The following NCS1 variants were observed in gnomAD, a reference collection of about 807,000 sequenced individuals.
The protein encoded by NCS1 is neuronal calcium sensor 1.
Under a neutral mutation model 28.4 loss-of-function variants are expected in NCS1, and 6 were observed. The observed-to-expected ratio is 0.21, with a 90% CI of 0.12 to 0.42. The LOEUF is 0.42. Ranked by LOEUF, NCS1 falls within the 10% of genes least tolerant of loss-of-function variation. The probability of loss-of-function intolerance (pLI) is 1.00; values close to 1 mark genes in which losing one functional copy is unlikely to be tolerated. For synonymous variants in NCS1, 86 were observed against 99.3 expected, an observed-to-expected ratio of 0.87 and a Z score of 0.79; for missense variants, 131 against 241.4, an observed-to-expected ratio of 0.54 and a Z score of 3.03.
At chr9:130,212,532 C>A (rs73545575) in intron 2 of NCS1, among the ~76,000 whole-genome samples, 14 of 149,680 alleles carry the variant, frequency 9.4e-5, no homozygotes, top group African/African-American at 3.5e-4. Context: ...ACAGGGAAAC[C>A]GAGGGGCGTT....
At position 130,219,872 on chromosome 9, in the gene NCS1, G is replaced by T. The variant is rs114558148; in HGVS notation, c.307+69G>T. ...CCCAGGTCAGAGGGAGGCAGCCCTC[G>T]GCCCTCACCAGGCAGGGGTGCCAGA... On this transcript the variant is annotated intron_variant, in intron 4 of 7. Transcript: ENST00000372398. This position sits in a 1 kb window ranked among gnomAD's most constrained non-coding sequence, Gnocchi z 5.7. The T allele has an allele frequency of 2.0e-6, 3 of 1,510,378 alleles. No individual in the cohort carries two copies. Among genetic ancestry groups the T allele is most frequent in the South Asian group, 1.1e-5 (1 of 88,508 alleles). The allele number at this position is 1,510,378 out of a possible 1,614,324, so 93.6% of individuals were successfully genotyped here.
rs1833411903 is a variant in NCS1, at chr9:130,226,191, G to C, written c.475-198G>C. 6.6e-6 allele frequency among the ~76,000 whole-genome samples: 1 copy of C among 152,240 alleles called. No individual in the cohort carries two copies. Among genetic ancestry groups the C allele is most frequent in the Non-Finnish European group, 1.5e-5 (1 of 68,046 alleles). On this transcript the variant is annotated intron_variant, in intron 6 of 7. Coordinates refer to ENST00000372398, the MANE Select transcript of NCS1 (RefSeq NM_014286.4). The surrounding 1 kb of genome is among the most constrained non-coding windows in gnomAD (Gnocchi z 4.8). ...CCCCAGGTGAAGAAACATGCCCAGA[G>C]AGGTGGGCCACGGCCCAAGGCCACC...
Position 130,180,896 on chromosome 9 carries a change from G to A in NCS1, c.64+8169G>A, listed in dbSNP as rs188820451. On this transcript the variant is annotated intron_variant, in intron 1 of 7. Coordinates refer to ENST00000372398, the MANE Select transcript of NCS1 (RefSeq NM_014286.4). This position sits in a 1 kb window ranked among gnomAD's most constrained non-coding sequence, Gnocchi z 4.5. ...TGGTGGCCCGGCTGGGTTGGTGGCC[G>A]GATTGTTCTGTGTCTGGCTCCTGGC... 1.2e-4 allele frequency among the ~76,000 whole-genome samples: 19 copies of A among 152,318 alleles called. No individual in the cohort carries two copies. The highest frequency in any genetic ancestry group is 2.6e-4 in the Admixed American group (4 of 15,300).
chr9:130,221,401 TATATATATATATAG>T (rs1440266737), intron 4 of NCS1, among the ~76,000 whole-genome samples: 3,672 of 44,482 alleles, frequency 0.083, 44 homozygotes, highest in East Asian at 0.16. Flanking sequence ...TATATATATA[TATATATATATATAG>T]AGAGAGAGAG....
chr9:130,189,932 A>G lies in NCS1; in HGVS notation c.65-11026A>G, dbSNP rs538044947. On this transcript the variant is annotated intron_variant, in intron 1 of 7. Transcript: ENST00000372398. ...TATTCCCAAGGTCTCGAAGGCCCCA[A>G]AGAGGCAGAAGATGTGGCTTACTTC... Among the ~76,000 whole-genome samples the G allele has an allele frequency of 8.5e-5, 12 of 140,570 alleles. No individual in the cohort carries two copies. In the South Asian group the frequency reaches 1.6e-3, roughly 19 times the overall value. The allele number at this position is 140,570 out of a possible 152,430, so 92.2% of individuals were successfully genotyped here.
rs1431713139 is a variant in NCS1, at chr9:130,191,445, G to A, written c.65-9513G>A. Among the ~76,000 whole-genome samples, 1 of 152,188 alleles carries A rather than the reference G, an allele frequency of 6.6e-6. No individual in the cohort carries two copies. Among genetic ancestry groups the A allele is most frequent in the East Asian group, 1.9e-4 (1 of 5,180 alleles). On this transcript the variant is annotated intron_variant, in intron 1 of 7. Coordinates refer to ENST00000372398, the MANE Select transcript of NCS1 (RefSeq NM_014286.4). The surrounding 1 kb of genome is among the most constrained non-coding windows in gnomAD (Gnocchi z 6.4). Reference sequence around the variant, plus strand: ...AAATACCCCCCGATTCGAGTGCTCAGCCTTCCTCCCACCAGCCCGGAGGCT... The same window carrying A: ...AAATACCCCCCGATTCGAGTGCTCAACCTTCCTCCCACCAGCCCGGAGGCT...
intron 1 of NCS1, among the ~76,000 whole-genome samples, chr9:130,197,453 G>A (rs1460416283): frequency 6.6e-6 from 1 of 152,206 alleles, no homozygotes; most frequent in African/African-American, 2.4e-5. Flanking sequence ...ACAGGCCTTG[G>A]TGATGGGCAA....
intron 2 of NCS1, among the ~76,000 whole-genome samples, chr9:130,208,932 A>C (rs1274339906): frequency 6.6e-6 from 1 of 151,726 alleles, no homozygotes; most frequent in Admixed American, 6.6e-5. Context: ...CGTGGTCCTG[A>C]ATATTGGGGC....
rs375578556 is a variant in NCS1, at chr9:130,226,519, G to A, written c.*17+15G>A. 49 of 1,585,130 alleles carry A rather than the reference G, an allele frequency of 3.1e-5. No homozygotes were observed. The highest frequency in any genetic ancestry group is 2.3e-4 in the East Asian group (10 of 44,008). On this transcript the variant is annotated intron_variant, in intron 7 of 7. Coordinates refer to ENST00000372398, the MANE Select transcript of NCS1 (RefSeq NM_014286.4). This position sits in a 1 kb window ranked among gnomAD's most constrained non-coding sequence, Gnocchi z 4.8. ...GCTGGAGCTGGGTGAGTGCAGACTC[G>A]GGGCCTGGGGTGGGTCTGGGATGGG...
At chr9:130,185,440 G>A (rs782528066) in intron 1 of NCS1, among the ~76,000 whole-genome samples, 4 of 152,184 alleles carry the variant, frequency 2.6e-5, no homozygotes, top group Non-Finnish European at 4.4e-5. Flanking sequence ...CTGGGGGAGG[G>A]GGGTTTTCCT....
rs1588123494 is a variant in NCS1 at position 130,219,614 on chromosome 9, A to G, written c.229-111A>G. 5.5e-6 allele frequency: 5 copies of G among 913,434 alleles called. No homozygotes were observed. The highest frequency in any genetic ancestry group is 1.4e-5 in the South Asian group (1 of 72,616). The allele number at this position is 913,434 out of a possible 1,614,324, so 56.6% of individuals were successfully genotyped here. On this transcript the variant is annotated intron_variant, in intron 3 of 7. Coordinates refer to ENST00000372398, the MANE Select transcript of NCS1 (RefSeq NM_014286.4). The surrounding 1 kb of genome is among the most constrained non-coding windows in gnomAD (Gnocchi z 5.7). Reference sequence around the variant, plus strand: ...GCCTGCCCTCTCCACCTGAGTGTCCATTGGCCACAGTGTCTGGAGCCTGCG... The same window carrying G: ...GCCTGCCCTCTCCACCTGAGTGTCCGTTGGCCACAGTGTCTGGAGCCTGCG...
intron 2 of NCS1, among the ~76,000 whole-genome samples, chr9:130,213,185 A>G (rs1833136907): frequency 6.6e-6 from 1 of 152,128 alleles, no homozygotes; most frequent in Non-Finnish European, 1.5e-5. Context: ...TCTGCTGGTG[A>G]CTTGCTGTGT....
intron 1 of NCS1, among the ~76,000 whole-genome samples, chr9:130,195,435 GT>G (rs782788352): frequency 1.1e-3 from 152 of 142,796 alleles, no homozygotes; most frequent in Non-Finnish European, 1.2e-3. Context: ...GCTGGGCTTT[GT>G]TTTTTTTTTT....
chr9:130,206,544 G>A (rs1833026488), intron 2 of NCS1, among the ~76,000 whole-genome samples: 1 of 151,776 alleles, frequency 6.6e-6, no homozygotes, highest in Non-Finnish European at 1.5e-5. Flanking sequence ...GAGTAGTTGG[G>A]ATTACAGGCC....
intron 4 of NCS1, among the ~76,000 whole-genome samples, chr9:130,221,504 G>A (rs1430946224): frequency 1.4e-5 from 2 of 142,474 alleles, no homozygotes; most frequent in East Asian, 2.1e-4. Context: ...GTTCGATCTC[G>A]GCTTATTGCA....
chr9:130,182,812 A>G (rs1045823786), intron 1 of NCS1, among the ~76,000 whole-genome samples: 3 of 152,194 alleles, frequency 2.0e-5, no homozygotes, highest in Non-Finnish European at 2.9e-5. Context: ...GTGAGGACTG[A>G]GTGCCCCTGG....
At chr9:130,208,373 G>A (rs1417396637) in intron 2 of NCS1, among the ~76,000 whole-genome samples, 1 of 151,988 alleles carries the variant, frequency 6.6e-6, no homozygotes, top group African/African-American at 2.4e-5. Flanking sequence ...CTGCCTCCTG[G>A]GTTCAAACGA....
intron 7 of NCS1, among the ~76,000 whole-genome samples, chr9:130,229,939 T>C (rs1025567863): frequency 6.6e-6 from 1 of 152,264 alleles, no homozygotes. Context: ...TCATTAAATG[T>C]TGAGCCATCA....
intron 6 of NCS1, among the ~76,000 whole-genome samples, chr9:130,224,252 C>T (rs1171609799): frequency 2.8e-5 from 4 of 142,212 alleles, no homozygotes; most frequent in African/African-American, 1.1e-4. Context: ...GTCAGGAGTT[C>T]GAGACCAGCC....
Sources: allele counts gnomAD v4.1 joint callset (sites outside exome capture counted in the v4.1 genomes callset), GRCh38; gene constraint gnomAD v4.1.1; non-coding constraint Gnocchi (gnomAD v3.1); transcripts MANE v1.5; gene names NCBI Gene and HGNC (gene_info 2026-07-23, HGNC 2026-07-21).